ITGAL: variants seen among roughly 807,000 people sequenced by gnomAD.
ITGAL encodes the protein integrin subunit alpha L.
Under a neutral mutation model 138.4 loss-of-function variants are expected in ITGAL, and 68 were observed. The observed-to-expected ratio is 0.49, with a 90% CI of 0.40 to 0.60. The LOEUF (loss-of-function observed/expected upper bound fraction) is 0.60, where lower values mean the gene tolerates loss of function less well. Ranked by LOEUF, ITGAL falls within the 20% of genes least tolerant of loss-of-function variation. ITGAL has a pLI of 0.00. For missense variants in ITGAL, 1,256 were observed against 1,478.6 expected, an observed-to-expected ratio of 0.85 and a Z score of 2.47; for synonymous variants, 561 against 584.3, an observed-to-expected ratio of 0.96 and a Z score of 0.57.
In ITGAL at chr16:30,481,486, C is replaced by T; in HGVS notation, c.624C>T (p.Phe208=). ...FSTSYKTEFD[F]SDYVKRKDPD... ...CAAGCTACAAAACAGAATTTGATTT[C>T]TCAGATTATGTTAAACGGAAGGACC... Residue 208 remains phenylalanine, a synonymous_variant, in exon 7 of 31, where the codon TTC becomes TTT. Transcript: ENST00000356798. 1 of 1,611,740 alleles carries T rather than the reference C, an allele frequency of 6.2e-7. No individual in the cohort carries two copies. Among genetic ancestry groups the T allele is most frequent in the Non-Finnish European group, 8.5e-7 (1 of 1,178,556 alleles).
intron 30 of ITGAL, among the ~76,000 whole-genome samples, chr16:30,520,760 A>G (rs1394253967): frequency 3.3e-5 from 5 of 152,160 alleles, no homozygotes; most frequent in Non-Finnish European, 7.4e-5. Context: ...GAGAGGTGGC[A>G]TTTGAGGTGG....
intron 2 of ITGAL, 38 bp from the exon 3 acceptor site, chr16:30,475,268 C>A: frequency 6.8e-7 from 1 of 1,476,798 alleles, no homozygotes; most frequent in Non-Finnish European, 9.4e-7. Context: ...GGGTACAGAT[C>A]TGGGCCACTC....
intron 21 of ITGAL, among the ~76,000 whole-genome samples, chr16:30,508,957 A>T (rs1248625116): frequency 2.0e-5 from 3 of 152,146 alleles, no homozygotes; most frequent in Non-Finnish European, 4.4e-5. Flanking sequence ...TGGGCAGATC[A>T]TCTGAGGTCA....
chr16:30,490,901 C>T (rs1047167271), intron 11 of ITGAL, among the ~76,000 whole-genome samples: 10 of 148,870 alleles, frequency 6.7e-5, no homozygotes, highest in Non-Finnish European at 1.2e-4. Flanking sequence ...ACCTGGGAGG[C>T]GGAAGTTACA....
At chr16:30,519,695 C>T (rs1458955052) in intron 29 of ITGAL, 162 bp from the exon 30 acceptor site, 4 of 645,958 alleles carry the variant, frequency 6.2e-6, no homozygotes, top group African/African-American at 1.8e-5. Flanking sequence ...CTCATGGCAG[C>T]GACTGCAATA....
chr16:30,519,949 T>C lies in ITGAL; in HGVS notation c.3321T>C (p.Ile1107=), dbSNP rs769743816. The C allele has an allele frequency of 3.0e-5, 48 of 1,612,328 alleles. No individual in the cohort carries two copies. Among genetic ancestry groups the C allele is most frequent in the Admixed American group, 6.7e-5 (4 of 59,978 alleles). Residue 1107 remains isoleucine (I), a synonymous_variant, in exon 30 of 31, where the codon ATT becomes ATC. Coordinates refer to ENST00000356798, the MANE Select transcript of ITGAL (RefSeq NM_002209.3). ...GGGGGCTGCTGCTGCTGCTGCTCAT[T>C]TTCATAGTGCTGTACAAGGTGGGTG... The part of the protein sequence containing the change: ...GIGGLLLLLL[I]FIVLYKVGFF...
rs1398371526 is a variant in ITGAL at position 30,481,576 on chromosome 16, T to C, written c.714T>C (p.Asn238=). ...LLLTNTFGAI[N]YVATEVFREE... Reference sequence around the variant, plus strand: ...TGACCAATACCTTTGGTGCCATCAATTATGTCGCGTGAGTTCCCTTTTGCA... The same window carrying C: ...TGACCAATACCTTTGGTGCCATCAACTATGTCGCGTGAGTTCCCTTTTGCA... Residue 238 remains asparagine, a synonymous_variant, in exon 7 of 31, where the codon AAT becomes AAC. Transcript: ENST00000356798. 1.2e-6 allele frequency: 2 copies of C among 1,613,512 alleles called. No individual in the cohort carries two copies. The highest frequency in any genetic ancestry group is 1.7e-6 in the Non-Finnish European group (2 of 1,179,886).
At position 30,488,581 on chromosome 16, in the gene ITGAL, T is replaced by G. The variant is rs2050679512; in HGVS notation, c.1007-501T>G. 2.0e-5 allele frequency among the ~76,000 whole-genome samples: 3 copies of G among 150,844 alleles called. No individual in the cohort carries two copies. In the South Asian group the frequency reaches 6.3e-4, roughly 32 times the overall value. On this transcript the variant is annotated intron_variant, in intron 9 of 30. Coordinates refer to ENST00000356798, the MANE Select transcript of ITGAL (RefSeq NM_002209.3). ...TTAGCTGGGCATGGTGGTGCACCTA[T>G]AATCCCAGCTACTCGGGAGGCTGAG...
Position 30,472,850 on chromosome 16 carries a change from T to A in ITGAL, c.13T>A (p.Cys5Ser). MKDS[C>S]ITVMAMALLS... The stretch of plus-strand genomic sequence containing the variant: ...GAGTGCTGGAAGGATGAAGGATTCC[T>A]GCATCACTGTGATGGCCATGGCGCT... Residue 5 changes from cysteine (C) to serine (S), a missense_variant, in exon 1 of 31, where the codon TGC (cysteine) becomes AGC (serine). Around this residue, in one of 3 missense-constraint regions of ITGAL, gnomAD observed 212 missense variants for 217.4 expected, o/e 0.98. Coordinates refer to ENST00000356798, the MANE Select transcript of ITGAL (RefSeq NM_002209.3). 1 of 1,612,906 alleles carries A rather than the reference T, an allele frequency of 6.2e-7. No individual in the cohort carries two copies. Among genetic ancestry groups the A allele is most frequent in the African/African-American group, 1.3e-5 (1 of 75,042 alleles).
rs1398514595 is a variant in ITGAL, at chr16:30,473,994, G to A, written c.62-202G>A. ...GCCAAACGGGAAGTTGTATCCTCAG[G>A]CCCTGGGAAGAGCTTTCAGAGCTCT... On this transcript the variant is annotated intron_variant, in intron 1 of 30. Coordinates refer to ENST00000356798, the MANE Select transcript of ITGAL (RefSeq NM_002209.3). The A allele has an allele frequency of 7.2e-6, 5 of 690,026 alleles. No individual in the cohort carries two copies. The East Asian group carries it at 1.4e-4, about 19-fold the overall frequency. The allele number at this position is 690,026 out of a possible 1,614,324, so 42.7% of individuals were successfully genotyped here.
chr16:30,505,501 C>T, intron 20 of ITGAL, 39 bp downstream of exon 20: 2 of 1,473,976 alleles, frequency 1.4e-6, no homozygotes, highest in Non-Finnish European at 1.9e-6. Flanking sequence ...CCCATCCACT[C>T]TGTTTTAAGA....
chr16:30,478,348 G>T (rs1298345315), intron 4 of ITGAL, among the ~76,000 whole-genome samples: 1 of 140,278 alleles, frequency 7.1e-6, no homozygotes, highest in African/African-American at 2.6e-5. Flanking sequence ...AAAAAAGAAA[G>T]AAAGAAAAAG....
chr16:30,517,284 C>G (rs1443441080), intron 26 of ITGAL, among the ~76,000 whole-genome samples, 198 bp downstream of exon 26: 2 of 152,082 alleles, frequency 1.3e-5, no homozygotes, highest in African/African-American at 4.8e-5. Context: ...CAACTCCAGT[C>G]TCTACAAACA....
intron 21 of ITGAL, among the ~76,000 whole-genome samples, chr16:30,507,606 T>A (rs1222944626): frequency 6.6e-6 from 1 of 151,470 alleles, no homozygotes; most frequent in Non-Finnish European, 1.5e-5. Context: ...GTCAAGATTG[T>A]GCCACTGCAC....
At chr16:30,495,848 C>G (rs2050790913) in intron 13 of ITGAL, among the ~76,000 whole-genome samples, 1 of 149,544 alleles carries the variant, frequency 6.7e-6, no homozygotes, top group Non-Finnish European at 1.5e-5. Flanking sequence ...GACTCCATCT[C>G]AAAAAAAAAT....
rs2051264681 is a variant in ITGAL at position 30,522,253 on chromosome 16, C to G, written c.*588C>G. The G allele has an allele frequency of 6.6e-6, 1 of 152,610 alleles. No individual in the cohort carries two copies. Among genetic ancestry groups the G allele is most frequent in the Non-Finnish European group, 1.5e-5 (1 of 68,276 alleles). 9.5% of individuals were successfully genotyped at this position (152,610 alleles called of 1,614,324 possible). A position where few individuals can be genotyped will look rare whatever the true frequency, so the allele number is the denominator to read the frequency against. On this transcript the variant is annotated 3_prime_UTR_variant, in exon 31 of 31. Coordinates refer to ENST00000356798, the MANE Select transcript of ITGAL (RefSeq NM_002209.3). This position sits in a 1 kb window ranked among gnomAD's most constrained non-coding sequence, Gnocchi z 4.0. Reference sequence around the variant, plus strand: ...GAGCCGTGATGCCTCCCTGTTGAAGCTCTGGTGACACCAGCCTTTCTCCCA... The same window carrying G: ...GAGCCGTGATGCCTCCCTGTTGAAGGTCTGGTGACACCAGCCTTTCTCCCA...
At chr16:30,480,625 G>A (rs1206283589) in intron 6 of ITGAL, 1 of 152,150 alleles carries the variant, frequency 6.6e-6, no homozygotes, top group Non-Finnish European at 1.5e-5. Context: ...TTTTATTTCT[G>A]TGTTTATTTG....
At position 30,484,640 on chromosome 16, in the gene ITGAL, C is replaced by T. The variant is rs1200889060; in HGVS notation, c.1006+377C>T. On this transcript the variant is annotated intron_variant, in intron 9 of 30. Coordinates refer to ENST00000356798, the MANE Select transcript of ITGAL (RefSeq NM_002209.3). ...ATAAAAAACAAAAAACAAAAATGGC[C>T]GGACGCGGTGGCTCACACCTGTAAT... 3.3e-5 allele frequency among the ~76,000 whole-genome samples: 5 copies of T among 150,896 alleles called. No homozygotes were observed. In the East Asian group the frequency reaches 7.9e-4, roughly 24 times the overall value.
intron 11 of ITGAL, 93 bp downstream of exon 11, chr16:30,489,479 G>A: frequency 7.9e-7 from 1 of 1,259,176 alleles, no homozygotes; most frequent in Non-Finnish European, 1.1e-6. Flanking sequence ...AAGCAGTTAA[G>A]CAACCAGCAT....
Sources: gnomAD v4.1 joint callset for allele counts (sites outside exome capture counted in the v4.1 genomes callset) on GRCh38, gnomAD v4.1.1 for gene constraint, gnomAD v4.1.1 regional missense constraint, Gnocchi (gnomAD v3.1) non-coding constraint, MANE v1.5 for transcripts, NCBI Gene and HGNC (gene_info 2026-07-23, HGNC 2026-07-21) for gene names.